The following DEFB106A variants were observed in gnomAD, a reference collection of about 807,000 sequenced individuals.
DEFB106A encodes the protein defensin beta 106A.
For missense variants in DEFB106A, 4 were observed against 63.7 expected, an observed-to-expected ratio of 0.06 and a Z score of 3.19; for synonymous variants, 1 against 22.5, an observed-to-expected ratio of 0.04 and a Z score of 2.70.
chr8:7,828,184 G>T (rs62641365), intron 1 of DEFB106A, among the ~76,000 whole-genome samples: 41,315 of 143,220 alleles, frequency 0.29, 3,732 homozygotes, highest in South Asian at 0.37. Context: ...CCTAAGGTGG[G>T]AACTGGAATT....
chr8:7,827,905 T>C (rs1278608033), intron 1 of DEFB106A, among the ~76,000 whole-genome samples: 1 of 140,424 alleles, frequency 7.1e-6, no homozygotes, highest in African/African-American at 2.5e-5. Flanking sequence ...ACTTATGAAC[T>C]GATGTGCTGA....
At chr8:7,826,550 G>A (rs1254046588) in intron 1 of DEFB106A, among the ~76,000 whole-genome samples, 9 of 148,914 alleles carry the variant, frequency 6.0e-5, no homozygotes, top group Non-Finnish European at 1.3e-4. Flanking sequence ...GTTTAGTATA[G>A]TATTATAGTA....
chr8:7,827,304 T>C (rs552535280), intron 1 of DEFB106A, among the ~76,000 whole-genome samples: 1 of 118,248 alleles, frequency 8.5e-6, no homozygotes, highest in East Asian at 2.5e-4. Flanking sequence ...ACTAGTATAA[T>C]ACACTAGTAT....
rs556310069 is a variant in DEFB106A, at chr8:7,827,795, G to T, written c.50-1010G>T. ...ATACCACGCTATAGTCTATAGTATA[G>T]TATTATATTAGTATCTGCCTTACAG... is the stretch of plus-strand genomic sequence containing the variant. On this transcript the variant is annotated intron_variant, in intron 1 of 1. Coordinates refer to ENST00000335186, the MANE Select transcript of DEFB106A (RefSeq NM_152251.4). 1.0e-3 allele frequency among the ~76,000 whole-genome samples: 147 copies of T among 141,390 alleles called. 6 individuals carry two copies. The highest frequency in any genetic ancestry group is 8.2e-3 in the Middle Eastern group (2 of 244). 92.8% of individuals were successfully genotyped at this position (141,390 alleles called of 152,430 possible). A position where few individuals can be genotyped will look rare whatever the true frequency, so the allele number is the denominator to read the frequency against.
At position 7,827,424 on chromosome 8, in the gene DEFB106A, A is replaced by G. The variant is rs183158740; in HGVS notation, c.50-1381A>G. The stretch of plus-strand genomic sequence containing the variant: ...GTATATACTATTATAATACTCTAGT[A>G]TATAGTATATATACTAGTATAATAC... On this transcript the variant is annotated intron_variant, in intron 1 of 1. Transcript: ENST00000335186. Among the ~76,000 whole-genome samples, 176 of 115,810 alleles carry G rather than the reference A, an allele frequency of 1.5e-3. 2 individuals are homozygous for G. Among genetic ancestry groups the G allele is most frequent in the Admixed American group, 2.5e-3 (26 of 10,396 alleles). 76.0% of individuals were successfully genotyped at this position (115,810 alleles called of 152,430 possible).
chr8:7,826,711 C>A (rs1475083332), intron 1 of DEFB106A, among the ~76,000 whole-genome samples: 3 of 129,110 alleles, frequency 2.3e-5, no homozygotes, highest in African/African-American at 8.2e-5. Flanking sequence ...CTCTGTTCCC[C>A]GGGCTGGAGT....
chr8:7,827,447 T>C (rs1344926588), intron 1 of DEFB106A, among the ~76,000 whole-genome samples: 3 of 114,578 alleles, frequency 2.6e-5, no homozygotes, highest in African/African-American at 9.3e-5. Context: ...ACTAGTATAA[T>C]ACTCTAGTAT....
intron 1 of DEFB106A, among the ~76,000 whole-genome samples, chr8:7,826,336 G>T (rs1228014448): frequency 1.1e-4 from 17 of 150,870 alleles, no homozygotes; most frequent in African/African-American, 3.9e-4. Flanking sequence ...TCAAAAAAAA[G>T]ATGTTATATA....
At chr8:7,827,520 T>TTATATACTAGTACATAGTATAGTG (rs2128923102) in intron 1 of DEFB106A, among the ~76,000 whole-genome samples, 1 of 117,466 alleles carries the variant, frequency 8.5e-6, no homozygotes, top group South Asian at 3.4e-4. Flanking sequence ...ACTAGTAGTA[T>TTATATACTAGTACATAGTATAGTG]TATATACTAG....
intron 1 of DEFB106A, among the ~76,000 whole-genome samples, chr8:7,826,671 T>C (rs1817407248): frequency 1.6e-4 from 1 of 6,344 alleles, no homozygotes; most frequent in South Asian, 0.017. Flanking sequence ...TATATACATA[T>C]TTTTTTTTTT....
intron 1 of DEFB106A, among the ~76,000 whole-genome samples, chr8:7,826,948 G>T (rs1311852544): frequency 8.2e-6 from 1 of 121,450 alleles, no homozygotes; most frequent in African/African-American, 2.7e-5. Flanking sequence ...GATTATAGGT[G>T]TGAGACACTG....
At position 7,828,327 on chromosome 8, in the gene DEFB106A, CA is replaced by C. The variant is rs1291061818; in HGVS notation, c.50-476del. Among the ~76,000 whole-genome samples the C allele has an allele frequency of 2.6e-5, 3 of 117,318 alleles. No individual in the cohort carries two copies. In the Admixed American group the frequency reaches 2.8e-4, roughly 11 times the overall value. 77.0% of individuals were successfully genotyped at this position (117,318 alleles called of 152,430 possible). On this transcript the variant is annotated intron_variant, in intron 1 of 1. Coordinates refer to ENST00000335186, the MANE Select transcript of DEFB106A (RefSeq NM_152251.4). ...GAGAAATCAGGCTGAGCCTTCCAAG[CA>C]AGTTTCTATCTACCACAGTAAACTC... is the stretch of plus-strand genomic sequence containing the variant.
intron 1 of DEFB106A, among the ~76,000 whole-genome samples, chr8:7,827,281 G>T (rs560340432): frequency 1.9e-5 from 2 of 104,978 alleles, no homozygotes; most frequent in African/African-American, 6.3e-5. Context: ...CTAGCATATA[G>T]TATAGTGTAT....
At chr8:7,826,597 C>T (rs1817404726) in intron 1 of DEFB106A, among the ~76,000 whole-genome samples, 1 of 146,810 alleles carries the variant, frequency 6.8e-6, no homozygotes, top group South Asian at 2.2e-4. Flanking sequence ...ACTGATGTTA[C>T]AGTATGGTAT....
chr8:7,828,491 T>TGATA (rs1817485305), intron 1 of DEFB106A, among the ~76,000 whole-genome samples: 1 of 99,192 alleles, frequency 1.0e-5, no homozygotes. Context: ...GGAGTGTTTA[T>TGATA]GGGAACAAGT....
intron 1 of DEFB106A, among the ~76,000 whole-genome samples, chr8:7,828,111 A>G (rs1355770976): frequency 6.8e-6 from 1 of 146,562 alleles, no homozygotes; most frequent in Non-Finnish European, 1.5e-5. Context: ...GTTGATCCTG[A>G]TAAGACGTGC....
chr8:7,827,325 G>T (rs1429572428), intron 1 of DEFB106A, among the ~76,000 whole-genome samples: 5 of 121,930 alleles, frequency 4.1e-5, no homozygotes, highest in East Asian at 2.4e-4. Flanking sequence ...ATAGTATAGT[G>T]TATATACTAG....
intron 1 of DEFB106A, among the ~76,000 whole-genome samples, chr8:7,827,983 AT>A (rs1284682322): frequency 2.7e-4 from 37 of 137,886 alleles, no homozygotes; most frequent in African/African-American, 9.0e-4. Flanking sequence ...GTAGATTTGA[AT>A]TAGGCACCTT....
intron 1 of DEFB106A, among the ~76,000 whole-genome samples, chr8:7,827,869 G>A (rs1271131059): frequency 5.7e-5 from 8 of 141,006 alleles, no homozygotes; most frequent in Admixed American, 2.9e-4. Context: ...AGAGTTCATC[G>A]AGCTTTGAAA....
Sources: gnomAD v4.1 joint callset for allele counts (sites outside exome capture counted in the v4.1 genomes callset) on GRCh38, gnomAD v4.1.1 for gene constraint, MANE v1.5 for transcripts, NCBI Gene and HGNC (gene_info 2026-07-23, HGNC 2026-07-21) for gene names.